The following DGKD variants were observed in gnomAD, a reference collection of about 807,000 sequenced individuals.
DGKD encodes the protein diacylglycerol kinase delta.
In DGKD, 68 loss-of-function variants were observed where a neutral mutation model predicts 154.4. The ratio of observed to expected loss-of-function variants is 0.44; its 90% CI spans 0.36 to 0.54. DGKD has a LOEUF of 0.54. Ranked by LOEUF, DGKD falls within the 20% of genes least tolerant of loss-of-function variation. The pLI is 0.00. For synonymous variants in DGKD, 693 were observed against 638.0 expected, an observed-to-expected ratio of 1.09 and a Z score of -1.30; for missense variants, 1,343 against 1,593.6, an observed-to-expected ratio of 0.84 and a Z score of 2.68.
At chr2:233,447,572 C>T (rs1308528082) in intron 12 of DGKD, 15 of 985,574 alleles carry the variant, frequency 1.5e-5, no homozygotes, top group Non-Finnish European at 1.7e-5. Context: ...CCAGAATATT[C>T]GCTGTCTGGC....
chr2:233,398,182 G>A (rs10177761), intron 3 of DGKD, among the ~76,000 whole-genome samples: 6 of 146,182 alleles, frequency 4.1e-5, no homozygotes, highest in Non-Finnish European at 8.9e-5. Context: ...TCGCTCTGTT[G>A]CCCAGGCTGG....
chr2:233,404,207 C>T (rs550732425), intron 3 of DGKD, among the ~76,000 whole-genome samples: 1 of 152,158 alleles, frequency 6.6e-6, no homozygotes, highest in South Asian at 2.1e-4. Flanking sequence ...CTGTAATGAT[C>T]GTTTTTTATG....
At chr2:233,447,137 C>T (rs547006678) in intron 12 of DGKD, among the ~76,000 whole-genome samples, 51 of 152,304 alleles carry the variant, frequency 3.3e-4, no homozygotes, top group Non-Finnish European at 5.1e-4. Flanking sequence ...CCTCCCCCGC[C>T]GCGGTGCCCA....
chr2:233,433,830 A>G (rs957390723), intron 3 of DGKD, among the ~76,000 whole-genome samples: 1 of 152,174 alleles, frequency 6.6e-6, no homozygotes, highest in African/African-American at 2.4e-5. Flanking sequence ...TTTATATATT[A>G]TGGATATCAT....
chr2:233,390,790 T>C (rs748875264), intron 3 of DGKD, among the ~76,000 whole-genome samples: 35 of 152,212 alleles, frequency 2.3e-4, no homozygotes, highest in Non-Finnish European at 4.8e-4. Context: ...TGGAGTGCAA[T>C]GGCGTGATCT....
intron 1 of DGKD, among the ~76,000 whole-genome samples, chr2:233,375,920 G>A (rs566295641): frequency 6.6e-6 from 1 of 152,280 alleles, no homozygotes; most frequent in South Asian, 2.1e-4. Context: ...GCAGTTTCCT[G>A]AAAGGTCAAG....
At chr2:233,355,460 A>G (rs1701493051) in intron 1 of DGKD, among the ~76,000 whole-genome samples, 1 of 152,166 alleles carries the variant, frequency 6.6e-6, no homozygotes, top group Non-Finnish European at 1.5e-5. Flanking sequence ...AGGTGGCTGG[A>G]CAGGTGGCTG....
At chr2:233,393,702 TA>T (rs56655460) in intron 3 of DGKD, among the ~76,000 whole-genome samples, 25,060 of 142,928 alleles carry the variant, frequency 0.18, 2,853 homozygotes, top group African/African-American at 0.31. Flanking sequence ...TTTTTTTTTT[TA>T]GATGGAGTCT....
Position 233,449,327 on chromosome 2 carries a change from C to G in DGKD, c.1839C>G (p.Ala613=), listed in dbSNP as rs1345095164. The G allele has an allele frequency of 6.2e-6, 10 of 1,609,600 alleles. No individual in the cohort carries two copies. The highest frequency in any genetic ancestry group is 3.3e-4 in the Middle Eastern group (2 of 6,070). Residue 613 remains alanine (A), a synonymous_variant, in exon 15 of 30, where the codon GCC becomes GCG. Coordinates refer to ENST00000264057, the MANE Select transcript of DGKD (RefSeq NM_152879.3). This position sits in a 1 kb window ranked among gnomAD's most constrained non-coding sequence, Gnocchi z 5.3. ...FRPREQLMLR[A]NSLKKAIRQI... ...CTCGAGAACAGCTCATGCTGAGAGC[C>G]AACAGCCTGAAGAAAGCAATTCGTC...
intron 3 of DGKD, among the ~76,000 whole-genome samples, chr2:233,405,735 TTC>T (rs1377062648): frequency 1.3e-5 from 2 of 152,108 alleles, no homozygotes; most frequent in Non-Finnish European, 2.9e-5. Context: ...GCAAATAAAC[TTC>T]TGTTCATTTA....
intron 5 of DGKD, 60 bp downstream of exon 5, chr2:233,434,961 G>A: frequency 6.4e-7 from 1 of 1,565,108 alleles, no homozygotes; most frequent in Admixed American, 1.8e-5. Flanking sequence ...ACTTGATAAA[G>A]CCTTGGAAAT....
In DGKD at chr2:233,445,782, G is replaced by A. The variant is rs374652128; in HGVS notation, c.1334+20G>A. On this transcript the variant is annotated intron_variant, in intron 11 of 29. Transcript: ENST00000264057. This position sits in a 1 kb window ranked among gnomAD's most constrained non-coding sequence, Gnocchi z 5.5. ...GGACAGGTGAGTGGGGATGTGCTCC[G>A]GTGCCGTATGAGGAGACTTTGAGAG... The A allele has an allele frequency of 1.1e-4, 172 of 1,596,300 alleles. 1 individual carries two copies. The South Asian group carries it at 1.4e-3, about 13-fold the overall frequency.
intron 1 of DGKD, chr2:233,386,103 A>G (rs1005514027): frequency 1.2e-5 from 5 of 408,074 alleles, no homozygotes; most frequent in Non-Finnish European, 2.5e-5. Context: ...ATACTCCAGC[A>G]TCTGTCCTTT....
rs147593791 is a variant in DGKD, at chr2:233,446,755, T to C, written c.1378T>C (p.Ser460Pro). The change falls in exon 12 of 30, where the codon TCC (serine) becomes CCC (proline). Residue 460 changes from serine (S) to proline (P), a missense_variant. Around this residue, in one of 6 missense-constraint regions of DGKD, gnomAD observed 409 missense variants for 446.0 expected, o/e 0.92. Coordinates refer to ENST00000264057, the MANE Select transcript of DGKD (RefSeq NM_152879.3). ...AYEAKLPRQA[S>P]SSTVTEDFSE... ...CGAGGCCAAGCTCCCCCGGCAGGCC[T>C]CCTCCTCTACCGTCACCGAAGACTT... 5.6e-6 allele frequency: 9 copies of C among 1,614,040 alleles called. No individual in the cohort carries two copies. The highest frequency in any genetic ancestry group is 1.6e-4 in the Middle Eastern group (1 of 6,084).
intron 10 of DGKD, among the ~76,000 whole-genome samples, chr2:233,443,665 A>G (rs1159519109): frequency 6.6e-6 from 1 of 152,230 alleles, no homozygotes; most frequent in Non-Finnish European, 1.5e-5. Flanking sequence ...TAGTATTTCC[A>G]GGTGGGTGGA....
At chr2:233,468,309 G>T in intron 28 of DGKD, 114 bp from the exon 29 acceptor site, 4 of 1,352,030 alleles carry the variant, frequency 3.0e-6, no homozygotes, top group Non-Finnish European at 4.1e-6. Context: ...GGTGCTGGCT[G>T]TTGGGACGTC....
At chr2:233,374,010 T>C (rs988810988) in intron 1 of DGKD, among the ~76,000 whole-genome samples, 2 of 151,568 alleles carry the variant, frequency 1.3e-5, no homozygotes, top group African/African-American at 2.4e-5. Context: ...TTTATGTCTT[T>C]TAGTTTAATT....
At chr2:233,379,359 G>A (rs752726059) in intron 1 of DGKD, among the ~76,000 whole-genome samples, 3 of 152,310 alleles carry the variant, frequency 2.0e-5, no homozygotes, top group South Asian at 2.1e-4. Context: ...GGTTGTGTTT[G>A]GGTCAGGTGG....
Position 233,430,884 on chromosome 2 carries a change from A to G in DGKD, c.349-3496A>G, listed in dbSNP as rs555119516. ...GGGCAAAAAATAGATTGCTATTTTC[A>G]TTTGCATTCTCTGATGACTAGAGTG... On this transcript the variant is annotated intron_variant, in intron 3 of 29. Transcript: ENST00000264057. 4.6e-5 allele frequency among the ~76,000 whole-genome samples: 7 copies of G among 152,296 alleles called. No individual in the cohort carries two copies. In the East Asian group the frequency reaches 1.2e-3, roughly 25 times the overall value.
Sources: gnomAD v4.1 joint callset for allele counts (sites outside exome capture counted in the v4.1 genomes callset) on GRCh38, gnomAD v4.1.1 for gene constraint, gnomAD v4.1.1 regional missense constraint, Gnocchi (gnomAD v3.1) non-coding constraint, MANE v1.5 for transcripts, NCBI Gene and HGNC (gene_info 2026-07-23, HGNC 2026-07-21) for gene names.